Variants in ATE1 observed in about 807,000 individuals in gnomAD.
ATE1 encodes the protein arginyl-tRNA--protein transferase 1.
A neutral mutation model predicts 70.5 loss-of-function variants in ATE1; 36 were observed. The observed-to-expected ratio is 0.51, with a 90% CI of 0.39 to 0.67. The LOEUF is 0.67. Among genes scored for constraint, ATE1 ranks in the 30% least tolerant of loss-of-function variants. The pLI, the probability that ATE1 is intolerant of heterozygous loss-of-function variation, is 0.00. For missense variants in ATE1, 593 were observed against 629.5 expected (o/e 0.94, Z 0.62); for synonymous variants, 232 against 219.3 (o/e 1.06, Z -0.51).
intron 10 of ATE1, among the ~76,000 whole-genome samples, chr10:121,833,028 G>A (rs1948303844): frequency 6.6e-6 from 1 of 152,168 alleles, no homozygotes; most frequent in African/African-American, 2.4e-5. Flanking sequence ...ACTAGGTAGA[G>A]TCTATACTGA....
intron 7 of ATE1, chr10:121,898,866 G>A (rs1482862869): frequency 6.2e-7 from 1 of 1,613,858 alleles, no homozygotes; most frequent in East Asian, 2.2e-5. Context: ...TTCATCGGGT[G>A]GATCCTGGTG....
At chr10:121,901,764 T>C (rs184549281) in intron 6 of ATE1, among the ~76,000 whole-genome samples, 92 of 152,284 alleles carry the variant, frequency 6.0e-4, no homozygotes, top group Non-Finnish European at 4.9e-4. Flanking sequence ...CCCTTGTTTT[T>C]GAATTTTATA....
At chr10:121,914,432 T>C (rs1238446598) in intron 3 of ATE1, among the ~76,000 whole-genome samples, 1 of 151,414 alleles carries the variant, frequency 6.6e-6, no homozygotes, top group Non-Finnish European at 1.5e-5. Context: ...GACAGAAGTG[T>C]TAGAAGCTGG....
intron 8 of ATE1, among the ~76,000 whole-genome samples, chr10:121,867,665 G>A (rs1260611872): frequency 6.6e-6 from 1 of 152,060 alleles, no homozygotes; most frequent in Non-Finnish European, 1.5e-5. Context: ...ACAACACTTT[G>A]TAGTTGTTAA....
At chr10:121,899,734 T>G in intron 7 of ATE1, 132 bp downstream of exon 7, 1 of 1,356,514 alleles carries the variant, frequency 7.4e-7, no homozygotes, top group Non-Finnish European at 9.9e-7. Context: ...AATTCAGTCT[T>G]AGGTCTTTGC....
At chr10:121,853,222 G>A (rs1418903909) in intron 8 of ATE1, among the ~76,000 whole-genome samples, 1 of 151,890 alleles carries the variant, frequency 6.6e-6, no homozygotes, top group Admixed American at 6.6e-5. Context: ...AAATTAGCCG[G>A]GCATGGTGGC....
At chr10:121,912,124 T>G (rs1951462117) in intron 4 of ATE1, among the ~76,000 whole-genome samples, 1 of 152,018 alleles carries the variant, frequency 6.6e-6, no homozygotes, top group African/African-American at 2.4e-5. Flanking sequence ...TCTCCTGACC[T>G]CGTGATCCGC....
At chr10:121,878,901 T>C (rs1305774898) in intron 7 of ATE1, among the ~76,000 whole-genome samples, 1 of 152,100 alleles carries the variant, frequency 6.6e-6, no homozygotes, top group Non-Finnish European at 1.5e-5. Flanking sequence ...TTTCCCTTCA[T>C]TATACCAAGG....
At chr10:121,798,981 A>G (rs1280351611) in intron 10 of ATE1, among the ~76,000 whole-genome samples, 2 of 151,764 alleles carry the variant, frequency 1.3e-5, no homozygotes, top group East Asian at 3.9e-4. Flanking sequence ...AATAGTAGTG[A>G]TGAACTGAGA....
intron 11 of ATE1, among the ~76,000 whole-genome samples, chr10:121,755,803 G>A (rs1019614203): frequency 6.6e-6 from 1 of 152,094 alleles, no homozygotes; most frequent in Non-Finnish European, 1.5e-5. Flanking sequence ...ACTCACCACT[G>A]GGTCCCTCCC....
At chr10:121,787,070 C>G (rs1353222084) in intron 11 of ATE1, among the ~76,000 whole-genome samples, 5 of 152,112 alleles carry the variant, frequency 3.3e-5, no homozygotes, top group Admixed American at 6.5e-5. Flanking sequence ...ATCCCTCCCC[C>G]CACAGTACCG....
intron 7 of ATE1, among the ~76,000 whole-genome samples, chr10:121,874,550 T>C (rs1949967665): frequency 1.4e-5 from 2 of 147,162 alleles, no homozygotes; most frequent in East Asian, 1.9e-4. Flanking sequence ...ATTTAACCTA[T>C]TAGTGGGGAG....
chr10:121,831,476 G>A (rs553828557), intron 10 of ATE1, among the ~76,000 whole-genome samples: 8 of 152,210 alleles, frequency 5.3e-5, no homozygotes, highest in South Asian at 2.1e-4. Flanking sequence ...CTCTGCACTC[G>A]TGTCCTGCTT....
At chr10:121,820,517 A>G (rs188810356) in intron 10 of ATE1, among the ~76,000 whole-genome samples, 117 of 152,328 alleles carry the variant, frequency 7.7e-4, no homozygotes, top group African/African-American at 2.7e-3. Context: ...CTGAATTTCC[A>G]CAAACATATA....
At chr10:121,891,027 T>C (rs571179488) in intron 7 of ATE1, among the ~76,000 whole-genome samples, 23 of 152,322 alleles carry the variant, frequency 1.5e-4, no homozygotes, top group African/African-American at 3.6e-4. Context: ...CCCTGGTTCT[T>C]TGTCACGGTC....
intron 11 of ATE1, among the ~76,000 whole-genome samples, chr10:121,745,416 A>T (rs1013641656): frequency 6.6e-6 from 1 of 152,112 alleles, no homozygotes; most frequent in African/African-American, 2.4e-5. Context: ...AAGCCCTTTA[A>T]AGTGGGTTAA....
intron 10 of ATE1, among the ~76,000 whole-genome samples, chr10:121,835,303 C>T (rs1365891176): frequency 6.6e-6 from 1 of 152,104 alleles, no homozygotes; most frequent in Non-Finnish European, 1.5e-5. Context: ...ACCAGCAAGG[C>T]ACTGCTTTTT....
Position 121,903,985 on chromosome 10 carries a change from C to CT in ATE1, c.584-1366dup, listed in dbSNP as rs55931393. Among the ~76,000 whole-genome samples the CT allele has an allele frequency of 9.7e-3, 1,407 of 145,066 alleles. 21 individuals are homozygous for CT. Among genetic ancestry groups the CT allele is most frequent in the African/African-American group, 0.031 (1,222 of 39,606 alleles). On this transcript the variant is annotated intron_variant, in intron 5 of 11. Coordinates refer to ENST00000224652, the MANE Select transcript of ATE1 (RefSeq NM_001001976.3). ...TAGTGTTCTCTTTTCTCCAAATTTTCTTTTTTTTTTTTGAGACAGAGTCTC... is the reference window on the plus strand; with the variant it reads ...TAGTGTTCTCTTTTCTCCAAATTTTCTTTTTTTTTTTTTGAGACAGAGTCTC...
Position 121,743,873 on chromosome 10 carries a change from A to C in ATE1, c.1379-15T>G. On this transcript the variant is annotated splice_polypyrimidine_tract_variant and intron_variant, in intron 11 of 11. Coordinates refer to ENST00000224652, the MANE Select transcript of ATE1 (RefSeq NM_001001976.3). ...ATCCTCATCCACTGCAACGACAAAAAATACTGATTTGTAAAATGTCACATA... is the reference window on the plus strand; with the variant it reads ...ATCCTCATCCACTGCAACGACAAAACATACTGATTTGTAAAATGTCACATA... The C allele has an allele frequency of 1.3e-6, 2 of 1,575,112 alleles. No homozygotes were observed. Among genetic ancestry groups the C allele is most frequent in the Non-Finnish European group, 1.7e-6 (2 of 1,165,486 alleles).
Sources: allele counts gnomAD v4.1 joint callset (sites outside exome capture counted in the v4.1 genomes callset), GRCh38; gene constraint gnomAD v4.1.1; transcripts MANE v1.5; gene names NCBI Gene and HGNC (gene_info 2026-07-23, HGNC 2026-07-21).